Variants in NHSL3 observed in about 807,000 individuals in gnomAD.
NHSL3 encodes NHS like 3, also known as NHS-like protein 3.
chr1:32,772,328 C>T, the NHSL3 span: 4 of 1,610,502 alleles, frequency 2.5e-6, no homozygotes, highest in Admixed American at 3.3e-5. Context: ...CTTACTGCTC[C>T]TCCCACCAAT....
chr1:32,759,026 G>T, the NHSL3 span, among the ~76,000 whole-genome samples: 1 of 152,198 alleles, frequency 6.6e-6, no homozygotes, highest in Non-Finnish European at 1.5e-5. Flanking sequence ...GAGAGCTGGA[G>T]TGGTGGGGAG....
chr1:32,773,219 CTCACCTGAGTT>C, the NHSL3 span: 1 of 418,776 alleles, frequency 2.4e-6, no homozygotes, highest in South Asian at 3.7e-5. Context: ...AGCAGGACAC[CTCACCTGAGTT>C]TCATTTTTTT....
At chr1:32,767,087 TC>T in the NHSL3 span, among the ~76,000 whole-genome samples, 1 of 152,066 alleles carries the variant, frequency 6.6e-6, no homozygotes, top group Non-Finnish European at 1.5e-5. Flanking sequence ...TTGGTCTGCA[TC>T]CCCCCTAGGA....
chr1:32,766,847 G>T, the NHSL3 span, among the ~76,000 whole-genome samples: 2 of 152,188 alleles, frequency 1.3e-5, no homozygotes, highest in Admixed American at 1.3e-4. Context: ...TCCACAGGCG[G>T]GGCTTGTAAC....
the NHSL3 span, among the ~76,000 whole-genome samples, chr1:32,757,629 G>C: frequency 6.6e-6 from 1 of 152,166 alleles, no homozygotes; most frequent in African/African-American, 2.4e-5. Context: ...TCCCTATGCT[G>C]TCCCTTTACA....
At chr1:32,768,789 C>A in the NHSL3 span, 1 of 1,612,904 alleles carries the variant, frequency 6.2e-7, no homozygotes, top group Admixed American at 1.7e-5. Flanking sequence ...GATTCATGGG[C>A]AGGGGAGAGG....
the NHSL3 span, among the ~76,000 whole-genome samples, chr1:32,758,680 C>T: frequency 1.1e-3 from 170 of 152,238 alleles, 1 homozygote; most frequent in Middle Eastern, 3.4e-3. Context: ...CACTGACCCC[C>T]CTTCCTTCTA....
chr1:32,768,889 G>A, the NHSL3 span: 1 of 1,275,862 alleles, frequency 7.8e-7, no homozygotes, highest in South Asian at 1.4e-5. Flanking sequence ...ATGAATTCGG[G>A]AAACACAGTA....
At chr1:32,768,231 A>C in the NHSL3 span, 2 of 790,354 alleles carry the variant, frequency 2.5e-6, no homozygotes, top group Non-Finnish European at 4.4e-6. Context: ...GCTACACTAA[A>C]TGAACCCTGA....
chr1:32,751,827 C>T, the NHSL3 span, among the ~76,000 whole-genome samples: 1 of 152,136 alleles, frequency 6.6e-6, no homozygotes, highest in African/African-American at 2.4e-5. Context: ...ATTCTCATCT[C>T]AGAGATGAGG....
chr1:32,770,652 G>A, the NHSL3 span: 1 of 1,523,326 alleles, frequency 6.6e-7, no homozygotes, highest in Non-Finnish European at 8.8e-7. This position sits in a 1 kb window ranked among gnomAD's most constrained non-coding sequence, Gnocchi z 8.3. Context: ...GTGTGTCCCT[G>A]CGTAAGCTGA....
chr1:32,769,261 A>C, the NHSL3 span, among the ~76,000 whole-genome samples: 4 of 152,076 alleles, frequency 2.6e-5, no homozygotes, highest in African/African-American at 4.8e-5. Context: ...CTCAAAAAAA[A>C]AATAAAAAAA....
At chr1:32,753,907 C>G in the NHSL3 span, 2 of 227,024 alleles carry the variant, frequency 8.8e-6, no homozygotes, top group Middle Eastern at 3.3e-3. Flanking sequence ...GGCCCCGCCC[C>G]TCCTCCGGGC....
At chr1:32,765,810 G>A in the NHSL3 span, 3 of 1,547,374 alleles carry the variant, frequency 1.9e-6, no homozygotes, top group Non-Finnish European at 2.6e-6. Context: ...GCGCTCCTAG[G>A]GCTGTTTAAG....
At chr1:32,749,911 C>T in the NHSL3 span, among the ~76,000 whole-genome samples, 1 of 152,170 alleles carries the variant, frequency 6.6e-6, no homozygotes, top group Non-Finnish European at 1.5e-5. Context: ...CAAAAATCTG[C>T]ATTCTCTTGT....
the NHSL3 span, chr1:32,772,379 C>T: frequency 5.1e-6 from 8 of 1,575,376 alleles, no homozygotes; most frequent in East Asian, 2.3e-5. Flanking sequence ...AGGGAGCTGG[C>T]GGAGAATGGA....
At chr1:32,744,824 C>G in the NHSL3 span, among the ~76,000 whole-genome samples, 4 of 152,128 alleles carry the variant, frequency 2.6e-5, no homozygotes, top group African/African-American at 7.2e-5. Flanking sequence ...CACAAGAGAG[C>G]ATATGAAAAT....
At chr1:32,765,942 C>A in the NHSL3 span, 4 of 1,012,218 alleles carry the variant, frequency 4.0e-6, no homozygotes, top group South Asian at 4.3e-5. Context: ...GGGCTGGGGG[C>A]TGATAATGAG....
the NHSL3 span, chr1:32,769,970 G>A: frequency 2.6e-5 from 41 of 1,607,680 alleles, no homozygotes; most frequent in Non-Finnish European, 3.2e-5. Flanking sequence ...GGCCGCCCCC[G>A]AGGCACCTCA....
Sources: gnomAD v4.1 joint callset for allele counts (sites outside exome capture counted in the v4.1 genomes callset) on GRCh38, gnomAD v4.1.1 for gene constraint, Gnocchi (gnomAD v3.1) non-coding constraint, MANE v1.5 for transcripts, NCBI Gene and HGNC (gene_info 2026-07-23, HGNC 2026-07-21) for gene names.